The following ITGA6 variants were observed in gnomAD, a reference collection of about 807,000 sequenced individuals.
ITGA6 encodes the protein integrin subunit alpha 6.
ITGA6 carries 63 observed loss-of-function variants against 133.6 expected under a neutral mutation model. The ratio of observed to expected loss-of-function variants is 0.47; its 90% CI spans 0.38 to 0.58. ITGA6 has a LOEUF of 0.58. ITGA6 is among the 20% of genes least tolerant of loss of function. The probability of loss-of-function intolerance (pLI) is 0.00; values close to 1 mark genes in which losing one functional copy is unlikely to be tolerated. For missense variants in ITGA6, 1,068 were observed against 1,309.4 expected, an observed-to-expected ratio of 0.82 and a Z score of 2.85; for synonymous variants, 434 against 482.0, an observed-to-expected ratio of 0.90 and a Z score of 1.30.
chr2:172,428,046 C>G (rs937016919), intron 1 of ITGA6, 76 bp downstream of exon 1: 8 of 1,475,246 alleles, frequency 5.4e-6, no homozygotes, highest in African/African-American at 4.4e-5. Context: ...GCGCCCTGTT[C>G]CCGCCGGCCC....
chr2:172,466,344 C>A (rs189405469), intron 2 of ITGA6, among the ~76,000 whole-genome samples: 166 of 152,234 alleles, frequency 1.1e-3, no homozygotes, highest in African/African-American at 3.9e-3. Context: ...GTTGGCCAGG[C>A]GTCGGTGGCT....
intron 11 of ITGA6, among the ~76,000 whole-genome samples, chr2:172,481,578 C>A (rs753185603): frequency 3.9e-5 from 6 of 152,086 alleles, no homozygotes; most frequent in Non-Finnish European, 7.4e-5. Flanking sequence ...GTGTCATAAG[C>A]TCAGTTAGCC....
At position 172,469,138 on chromosome 2, in the gene ITGA6, G is replaced by A. The variant is rs925118831; in HGVS notation, c.401G>A (p.Arg134Gln). 23 of 1,613,976 alleles carry A rather than the reference G, an allele frequency of 1.4e-5. No individual in the cohort carries two copies. The highest frequency in any genetic ancestry group is 1.7e-5 in the Non-Finnish European group (20 of 1,180,000). ...ATCTGCTTGCAGACATGTGCTCACC[G>A]ATATGAAAAAAGGCAGCATGTTAAT... ...PGGKVVTCAH[R>Q]YEKRQHVNTK... The change falls in exon 4 of 26, where the codon CGA becomes CAA. Residue 134 changes from arginine (R) to glutamine (Q), a missense_variant. By Grantham distance (43) the Arg-to-Gln change is conservative (BLOSUM62 1). Coordinates refer to ENST00000684293, the MANE Select transcript of ITGA6 (RefSeq NM_000210.4).
intron 5 of ITGA6, chr2:172,472,848 C>T: frequency 3.1e-6 from 5 of 1,611,998 alleles, no homozygotes; most frequent in Non-Finnish European, 4.2e-6. Context: ...TCCCCGGGAG[C>T]AGCCTGACAC....
At chr2:172,489,912 C>T in intron 20 of ITGA6, 1 of 437,602 alleles carries the variant, frequency 2.3e-6, no homozygotes, top group Non-Finnish European at 4.2e-6. Context: ...TCTGATGTTT[C>T]ATCATGACCC....
chr2:172,454,095 T>TG lies in ITGA6; in HGVS notation c.183-11444_183-11443insG, dbSNP rs200496351. Among the ~76,000 whole-genome samples, 1,311 of 151,734 alleles carry TG rather than the reference T, an allele frequency of 8.6e-3. 18 individuals are homozygous for TG. Among genetic ancestry groups the TG allele is most frequent in the African/African-American group, 0.03 (1,220 of 41,318 alleles). On this transcript the variant is annotated intron_variant, in intron 1 of 25. Coordinates refer to ENST00000684293, the MANE Select transcript of ITGA6 (RefSeq NM_000210.4). ...GTTTTTTTTTTGTTTTGTTTTGTTT[T>TG]TTTTTTTTGAGATGGAGTCTCACTC...
chr2:172,445,652 TAA>T (rs548737006), intron 1 of ITGA6, among the ~76,000 whole-genome samples: 4 of 138,126 alleles, frequency 2.9e-5, no homozygotes. Context: ...CCGTCTTTTT[TAA>T]AAAAAAAAAA....
chr2:172,471,503 G>GAGT (rs1685934910), intron 5 of ITGA6, among the ~76,000 whole-genome samples: 1 of 152,158 alleles, frequency 6.6e-6, no homozygotes, highest in Non-Finnish European at 1.5e-5. Context: ...ATACTCTTAA[G>GAGT]AACTGCATTT....
intron 10 of ITGA6, 22 bp downstream of exon 10, chr2:172,479,761 TG>T (rs1686350017): frequency 6.3e-7 from 1 of 1,595,998 alleles, no homozygotes; most frequent in South Asian, 1.1e-5. Context: ...TCTGTCTTGG[TG>T]GGATCCCCCT....
intron 1 of ITGA6, among the ~76,000 whole-genome samples, chr2:172,446,760 A>G (rs1684784311): frequency 1.3e-5 from 2 of 152,300 alleles, no homozygotes; most frequent in African/African-American, 2.4e-5. Context: ...AAAGAACAGG[A>G]TTGCCTGGAG....
intron 1 of ITGA6, among the ~76,000 whole-genome samples, chr2:172,460,273 GTAGCTGGTA>G (rs1574351906): frequency 6.6e-6 from 1 of 152,230 alleles, no homozygotes; most frequent in African/African-American, 2.4e-5. Flanking sequence ...GTGTAAAGGT[GTAGCTGGTA>G]GATAGCAAGA....
chr2:172,498,387 T>C (rs960346657), intron 24 of ITGA6, among the ~76,000 whole-genome samples: 2 of 152,240 alleles, frequency 1.3e-5, no homozygotes, highest in African/African-American at 4.8e-5. Context: ...TTTATTACTT[T>C]AGCATTTTCT....
chr2:172,485,408 G>C, intron 13 of ITGA6, 144 bp downstream of exon 13: 1 of 775,284 alleles, frequency 1.3e-6, no homozygotes, highest in Non-Finnish European at 2.3e-6. Context: ...CGCAAAGTTA[G>C]AGAAGACTTG....
Position 172,427,598 on chromosome 2 carries a change from C to T in ITGA6, c.-191C>T. On this transcript the variant is annotated 5_prime_UTR_variant, in exon 1 of 26. Transcript: ENST00000684293. ...GTCTCCAGAGAACAACGGGCTCATT[C>T]AGCGGTCGCGAGCTGCCCGCGAGGG... is the stretch of plus-strand genomic sequence containing the variant. 7.9e-7 allele frequency: 1 copy of T among 1,269,574 alleles called. No individual in the cohort carries two copies. Among genetic ancestry groups the T allele is most frequent in the Non-Finnish European group, 9.9e-7 (1 of 1,011,074 alleles). The allele number at this position is 1,269,574 out of a possible 1,614,324, so 78.6% of individuals were successfully genotyped here. A position where few individuals can be genotyped will look rare whatever the true frequency, so the allele number is the denominator to read the frequency against.
rs1229238360 is a variant in ITGA6, at chr2:172,491,141, C to A, written c.2778+19C>A. ...GACTCTTGTAAGTATTTTTCAAGAG[C>A]TGTGAATATTTGAGAGGATGAGGGG... On this transcript the variant is annotated intron_variant, in intron 21 of 25. Transcript: ENST00000684293. The surrounding 1 kb of genome is among the most constrained non-coding windows in gnomAD (Gnocchi z 4.4). 1 of 1,437,438 alleles carries A rather than the reference C, an allele frequency of 7.0e-7. No homozygotes were observed. Among genetic ancestry groups the A allele is most frequent in the South Asian group, 1.1e-5 (1 of 87,500 alleles). 89.0% of individuals were successfully genotyped at this position (1,437,438 alleles called of 1,614,324 possible).
At chr2:172,464,485 T>C (rs921860076) in intron 1 of ITGA6, 1 of 152,328 alleles carries the variant, frequency 6.6e-6, no homozygotes, top group African/African-American at 2.4e-5. Context: ...CAGCTCTTGG[T>C]TTATCTCTGT....
rs1381350773 is a variant in ITGA6, at chr2:172,504,228, G to T, written c.*160G>T. The T allele has an allele frequency of 1.9e-6, 3 of 1,577,364 alleles. No homozygotes were observed. The highest frequency in any genetic ancestry group is 2.3e-5 in the South Asian group (2 of 85,452). On this transcript the variant is annotated 3_prime_UTR_variant, in exon 26 of 26. Transcript: ENST00000684293. The stretch of plus-strand genomic sequence containing the variant: ...AAAAAAAACAGTGGATCACAAAGTG[G>T]AACGAAAATGAAAGCTACTCATAGC...
chr2:172,486,333 C>T (rs972117528), intron 13 of ITGA6, among the ~76,000 whole-genome samples: 1 of 152,120 alleles, frequency 6.6e-6, no homozygotes, highest in African/African-American at 2.4e-5. Context: ...TCATTTTTGT[C>T]ACCAAATATA....
chr2:172,436,517 T>A (rs1475305514), intron 1 of ITGA6, among the ~76,000 whole-genome samples: 1 of 152,190 alleles, frequency 6.6e-6, no homozygotes, highest in Non-Finnish European at 1.5e-5. Flanking sequence ...CTCCCCAAGC[T>A]TAGCAGCCAT....
Sources: gnomAD v4.1 joint callset for allele counts (sites outside exome capture counted in the v4.1 genomes callset) on GRCh38, gnomAD v4.1.1 for gene constraint, Gnocchi (gnomAD v3.1) non-coding constraint, MANE v1.5 for transcripts, NCBI Gene and HGNC (gene_info 2026-07-23, HGNC 2026-07-21) for gene names.